PTPRM: variants seen among roughly 807,000 people sequenced by gnomAD.
PTPRM encodes protein tyrosine phosphatase receptor type M, also known as receptor-type tyrosine-protein phosphatase mu.
PTPRM carries 47 observed loss-of-function variants against 186.7 expected under a neutral mutation model. That is an observed-to-expected ratio of 0.25 (90% confidence interval 0.20 to 0.32). The LOEUF (loss-of-function observed/expected upper bound fraction) is 0.32. PTPRM is among the 10% of genes least tolerant of loss of function. The pLI, the probability that PTPRM is intolerant of heterozygous loss-of-function variation, is 1.00. For synonymous variants in PTPRM, 668 were observed against 674.9 expected, an observed-to-expected ratio of 0.99 and a Z score of 0.16; for missense variants, 1,494 against 1,865.0, an observed-to-expected ratio of 0.80 and a Z score of 3.66.
chr18:8,218,059 T>C (rs1345620963), intron 14 of PTPRM, among the ~76,000 whole-genome samples: 1 of 152,206 alleles, frequency 6.6e-6, no homozygotes, highest in Non-Finnish European at 1.5e-5. Context: ...GTTTTCCAGC[T>C]CATTAAACTG....
At chr18:8,098,948 C>T (rs950725952) in intron 11 of PTPRM, among the ~76,000 whole-genome samples, 22 of 152,158 alleles carry the variant, frequency 1.4e-4, no homozygotes, top group Non-Finnish European at 7.3e-5. Flanking sequence ...AATGGGGAAG[C>T]CTCTGGCTTC....
intron 1 of PTPRM, among the ~76,000 whole-genome samples, chr18:7,653,150 T>TATTATTATC (rs1352475487): frequency 1.4e-5 from 2 of 139,338 alleles, no homozygotes; most frequent in African/African-American, 5.6e-5. Context: ...TTATTATTAT[T>TATTATTATC]ATCATTATTG....
At chr18:8,354,212 T>TTA (rs1555884164) in intron 23 of PTPRM, among the ~76,000 whole-genome samples, 11 of 143,972 alleles carry the variant, frequency 7.6e-5, no homozygotes, top group African/African-American at 2.1e-4. Flanking sequence ...GATTCCGTCT[T>TTA]AAAAAAAAAA....
intron 7 of PTPRM, 92 bp downstream of exon 7, chr18:7,955,506 C>CCTAGCT: frequency 7.0e-7 from 1 of 1,426,326 alleles, no homozygotes; most frequent in Non-Finnish European, 9.4e-7. Flanking sequence ...GCACGCTTCC[C>CCTAGCT]CTAGCTCTAT....
chr18:7,682,410 C>T (rs1356750479), intron 1 of PTPRM, among the ~76,000 whole-genome samples: 2 of 152,112 alleles, frequency 1.3e-5, no homozygotes, highest in Non-Finnish European at 2.9e-5. Context: ...AGTAAATTTT[C>T]TTAAGAAAAA....
At chr18:7,617,459 A>G (rs577445336) in intron 1 of PTPRM, among the ~76,000 whole-genome samples, 1 of 152,180 alleles carries the variant, frequency 6.6e-6, no homozygotes, top group South Asian at 2.1e-4. Flanking sequence ...AGCTCTTTAA[A>G]GGCATAACCT....
chr18:7,945,054 A>T (rs1309983963), intron 5 of PTPRM, among the ~76,000 whole-genome samples: 1 of 152,120 alleles, frequency 6.6e-6, no homozygotes, highest in Non-Finnish European at 1.5e-5. Context: ...TAGTGGATTA[A>T]TGGGTTATCA....
intron 1 of PTPRM, among the ~76,000 whole-genome samples, chr18:7,660,996 GAAAA>G (rs1357608503): frequency 6.6e-6 from 1 of 151,708 alleles, no homozygotes; most frequent in Non-Finnish European, 1.5e-5. Flanking sequence ...AAAAAGCAAA[GAAAA>G]GAAAGAACAT....
intron 14 of PTPRM, among the ~76,000 whole-genome samples, chr18:8,182,004 C>A (rs2093582649): frequency 6.6e-6 from 1 of 152,118 alleles, no homozygotes; most frequent in Non-Finnish European, 1.5e-5. Context: ...ACCTTAGGAG[C>A]TAGCTGCCTT....
At chr18:7,993,709 T>G (rs1259075789) in intron 7 of PTPRM, among the ~76,000 whole-genome samples, 1 of 152,150 alleles carries the variant, frequency 6.6e-6, no homozygotes, top group Non-Finnish European at 1.5e-5. Context: ...CTAGACTGAC[T>G]ATATGAGAAA....
chr18:8,119,347 C>T (rs1401502278), intron 13 of PTPRM, among the ~76,000 whole-genome samples: 3 of 151,936 alleles, frequency 2.0e-5, no homozygotes, highest in Admixed American at 2.0e-4. Flanking sequence ...CCTTTGTAGG[C>T]CATAATGGTA....
intron 14 of PTPRM, among the ~76,000 whole-genome samples, chr18:8,238,687 G>A (rs1230736795): frequency 3.7e-5 from 3 of 80,754 alleles, no homozygotes; most frequent in Admixed American, 1.8e-4. Flanking sequence ...TTTTTTTTGC[G>A]AAGCTACACA....
intron 1 of PTPRM, among the ~76,000 whole-genome samples, chr18:7,611,087 A>G (rs936068550): frequency 3.9e-5 from 6 of 152,196 alleles, no homozygotes; most frequent in Non-Finnish European, 5.9e-5. Flanking sequence ...AAAAACATAT[A>G]TAAAAGAGCT....
At chr18:7,772,244 TTTTTCTTTTCTTTTCTTTTC>T (rs71165751) in intron 1 of PTPRM, among the ~76,000 whole-genome samples, 17 of 140,054 alleles carry the variant, frequency 1.2e-4, no homozygotes, top group Admixed American at 3.6e-4. Context: ...GCTAAGATCT[TTTTTCTTTTCTTTTCTTTTC>T]TTTTCTTTTC....
At chr18:7,941,542 T>A (rs1599639048) in intron 5 of PTPRM, among the ~76,000 whole-genome samples, 1 of 152,274 alleles carries the variant, frequency 6.6e-6, no homozygotes, top group Non-Finnish European at 1.5e-5. Context: ...TTTGTAGATA[T>A]CTTTTTCCAT....
chr18:8,179,792 C>T (rs2093548129), intron 14 of PTPRM, among the ~76,000 whole-genome samples: 2 of 152,158 alleles, frequency 1.3e-5, no homozygotes, highest in Non-Finnish European at 1.5e-5. Context: ...TTTAAACAAC[C>T]AGTCATTTTA....
chr18:8,158,053 G>A (rs945359375), intron 14 of PTPRM, among the ~76,000 whole-genome samples: 1 of 152,230 alleles, frequency 6.6e-6, no homozygotes, highest in African/African-American at 2.4e-5. Flanking sequence ...CAGCAGGGCT[G>A]AATTCTCACC....
At chr18:8,231,772 T>C (rs1033363347) in intron 14 of PTPRM, among the ~76,000 whole-genome samples, 2 of 152,208 alleles carry the variant, frequency 1.3e-5, no homozygotes, top group African/African-American at 4.8e-5. Flanking sequence ...AGTATTGCAA[T>C]GTTTAATAAA....
chr18:8,360,058 CAGG>C (rs1336697321), intron 23 of PTPRM, among the ~76,000 whole-genome samples: 4 of 152,192 alleles, frequency 2.6e-5, no homozygotes, highest in African/African-American at 9.7e-5. Flanking sequence ...GGGCCTCTCC[CAGG>C]AGGATAGGAC....
Sources: allele counts gnomAD v4.1 joint callset (sites outside exome capture counted in the v4.1 genomes callset), GRCh38; gene constraint gnomAD v4.1.1; transcripts MANE v1.5; gene names NCBI Gene and HGNC (gene_info 2026-07-23, HGNC 2026-07-21).